GATM: variants seen among roughly 807,000 people sequenced by gnomAD.
The protein encoded by GATM is glycine amidinotransferase, mitochondrial.
In GATM, 23 loss-of-function variants were observed where a neutral mutation model predicts 54.2. The observed-to-expected ratio is 0.42, with a 90% CI of 0.31 to 0.60. The LOEUF is 0.60. GATM is among the 20% of genes least tolerant of loss of function. The pLI is 0.14. For missense variants in GATM, 401 were observed against 544.9 expected (o/e 0.74, Z 2.63); for synonymous variants, 168 against 183.1 (o/e 0.92, Z 0.67).
intron 2 of GATM, among the ~76,000 whole-genome samples, chr15:45,376,062 T>C (rs1446209584): frequency 6.6e-6 from 1 of 152,174 alleles, no homozygotes; most frequent in African/African-American, 2.4e-5. Context: ...GATGATTCTT[T>C]TGTGTTTTAG....
At chr15:45,389,984 C>T (rs780438969) in intron 3 of GATM, among the ~76,000 whole-genome samples, 3 of 151,980 alleles carry the variant, frequency 2.0e-5, no homozygotes, top group African/African-American at 4.8e-5. Flanking sequence ...CCCTGCCTCC[C>T]GAATAGCTGG....
chr15:45,394,576 G>A (rs1389836402), intron 3 of GATM, among the ~76,000 whole-genome samples: 1 of 152,180 alleles, frequency 6.6e-6, no homozygotes, highest in African/African-American at 2.4e-5. Context: ...GGCACCAGGC[G>A]GGTCAGGCAC....
chr15:45,398,766 G>C (rs1355157262), intron 2 of GATM, among the ~76,000 whole-genome samples: 1 of 152,102 alleles, frequency 6.6e-6, no homozygotes, highest in Non-Finnish European at 1.5e-5. Context: ...TATTAGGGTT[G>C]AACATAACAC....
At chr15:45,396,124 T>C (rs1889927273) in intron 3 of GATM, 3 of 152,194 alleles carry the variant, frequency 2.0e-5, no homozygotes, top group African/African-American at 7.2e-5. Flanking sequence ...GGAATACTTA[T>C]CTTGGAGGAG....
chr15:45,362,861 G>C lies in GATM; in HGVS notation c.1160-640C>G, dbSNP rs369853005. 4.6e-5 allele frequency among the ~76,000 whole-genome samples: 7 copies of C among 152,152 alleles called. No individual in the cohort carries two copies. In the South Asian group the frequency reaches 1.4e-3, roughly 32 times the overall value. The stretch of plus-strand genomic sequence containing the variant: ...AGAATCTGTTGTGTTAGATATAGTG[G>C]GGTTTTAAAAAGAAAATCTATTATT... On this transcript the variant is annotated intron_variant, in intron 8 of 8. Coordinates refer to ENST00000396659, the MANE Select transcript of GATM (RefSeq NM_001482.3).
chr15:45,391,366 C>G (rs1367331585), intron 3 of GATM, among the ~76,000 whole-genome samples: 2 of 152,068 alleles, frequency 1.3e-5, no homozygotes, highest in Non-Finnish European at 2.9e-5. Flanking sequence ...GAGCCAAGAT[C>G]GTGCCACTGC....
intron 2 of GATM, among the ~76,000 whole-genome samples, chr15:45,370,767 T>C (rs1889529650): frequency 6.6e-6 from 1 of 152,150 alleles, no homozygotes; most frequent in Non-Finnish European, 1.5e-5. Context: ...TTAAATATTG[T>C]TGTTTGTTTG....
intron 7 of GATM, chr15:45,364,534 CA>C (rs201283726): frequency 0.13 from 40,421 of 318,842 alleles, 2 homozygotes; most frequent in South Asian, 0.18. Context: ...GACACTGTCT[CA>C]AAAAAAAAAA....
In GATM at chr15:45,365,052, C is replaced by T. The variant is rs978649073; in HGVS notation, c.979-192G>A. Among the ~76,000 whole-genome samples the T allele has an allele frequency of 4.5e-4, 68 of 152,104 alleles. 1 individual carries two copies. Among genetic ancestry groups the T allele is most frequent in the African/African-American group, 1.4e-3 (59 of 41,402 alleles). On this transcript the variant is annotated intron_variant, in intron 6 of 8. Coordinates refer to ENST00000396659, the MANE Select transcript of GATM (RefSeq NM_001482.3). ...TCCTAATTAAAAATGTACATAAAAT[C>T]CCCAGATTAAAGTTAAAAAGTAACA... is the stretch of plus-strand genomic sequence containing the variant.
chr15:45,362,424 G>T (rs543981175), intron 8 of GATM, among the ~76,000 whole-genome samples: 1 of 152,286 alleles, frequency 6.6e-6, no homozygotes, highest in Non-Finnish European at 1.5e-5. Flanking sequence ...AGTCAACAGA[G>T]AACTCTGAAG....
At chr15:45,365,453 A>G (rs373438489) in intron 6 of GATM, among the ~76,000 whole-genome samples, 2 of 152,264 alleles carry the variant, frequency 1.3e-5, no homozygotes, top group African/African-American at 4.8e-5. Flanking sequence ...AGAAATGAAC[A>G]GTGACACAGT....
At position 45,376,667 on chromosome 15, in the gene GATM, G is replaced by C. The variant is rs774485349; in HGVS notation, c.222C>G (p.Pro74=). The change falls in exon 2 of 9, where the codon CCC becomes CCG. Residue 74 remains proline (P), a synonymous_variant. Coordinates refer to ENST00000396659, the MANE Select transcript of GATM (RefSeq NM_001482.3). The part of the protein sequence containing the change: ...CPVSSYNEWD[P]LEEVIVGRAE... ...CTCTGCCCACTATCACTTCCTCTAAGGGGTCCCATTCGTTGTAAGAAGAGA... is the reference window on the plus strand; with the variant it reads ...CTCTGCCCACTATCACTTCCTCTAACGGGTCCCATTCGTTGTAAGAAGAGA... 4 of 1,614,148 alleles carry C rather than the reference G, an allele frequency of 2.5e-6. No homozygotes were observed. In the Admixed American group the frequency reaches 6.7e-5, roughly 27 times the overall value.
intron 2 of GATM, among the ~76,000 whole-genome samples, chr15:45,398,919 T>C (rs960228635): frequency 6.6e-6 from 1 of 152,172 alleles, no homozygotes; most frequent in Admixed American, 6.5e-5. Context: ...GACAAAAATA[T>C]TGCATGATCA....
intron 3 of GATM, chr15:45,396,222 C>A (rs1206213976): frequency 6.6e-6 from 1 of 152,106 alleles, no homozygotes; most frequent in East Asian, 1.9e-4. Flanking sequence ...GTTCCTGGAG[C>A]CTGGTCTTCT....
In GATM at chr15:45,362,219, T is replaced by C. The variant is rs1170650328; in HGVS notation, c.1162A>G (p.Ile388Val). 6.3e-7 allele frequency: 1 copy of C among 1,580,472 alleles called. No individual in the cohort carries two copies. The highest frequency in any genetic ancestry group is 8.7e-7 in the Non-Finnish European group (1 of 1,149,438). The change falls in exon 9 of 9, where the codon ATC becomes GTC. Residue 388 changes from isoleucine (I) to valine (V), a missense_variant and splice_region_variant. By Grantham distance (29) the Ile-to-Val change is conservative. Coordinates refer to ENST00000396659, the MANE Select transcript of GATM (RefSeq NM_001482.3). ...CGAATGTTAACTTTAATGGTAGTGA[T>C]ACCTGCATTGAAAGAGAGATGAGGT... ...PIQKMFEKLG[I>V]TTIKVNIRNA...
Position 45,364,879 on chromosome 15 carries a change from C to A in GATM, c.979-19G>T, listed in dbSNP as rs575171738. 200 of 1,603,346 alleles carry A rather than the reference C, an allele frequency of 1.2e-4. 1 individual carries two copies. The highest frequency in any genetic ancestry group is 5.8e-4 in the South Asian group (53 of 90,812). ...GATCAATCTGTAAGACCAAAAAAAA[C>A]CCCCAAAACCGTTAAATCTACATAT... On this transcript the variant is annotated intron_variant, in intron 6 of 8. Transcript: ENST00000396659.
chr15:45,378,610 C>T (rs1007975089), upstream of GATM: 3 of 527,794 alleles, frequency 5.7e-6, no homozygotes, highest in East Asian at 3.8e-5. Flanking sequence ...CCCGCGGCCC[C>T]ATTGGCTGCC....
At chr15:45,388,282 T>A (rs889550374) in intron 3 of GATM, among the ~76,000 whole-genome samples, 7 of 152,226 alleles carry the variant, frequency 4.6e-5, no homozygotes, top group African/African-American at 1.7e-4. Context: ...TCTATCTGTT[T>A]TTGGATTTAC....
At chr15:45,382,626 C>G (rs1165119624), upstream of GATM, among the ~76,000 whole-genome samples, 1 of 151,968 alleles carries the variant, frequency 6.6e-6, no homozygotes, top group African/African-American at 2.4e-5. Context: ...AACCCCGTCT[C>G]TACTAAAAAT....
Sources: allele counts gnomAD v4.1 joint callset (sites outside exome capture counted in the v4.1 genomes callset), GRCh38; gene constraint gnomAD v4.1.1; transcripts MANE v1.5; gene names NCBI Gene and HGNC (gene_info 2026-07-23, HGNC 2026-07-21).